Variants in KANSL1 observed in about 807,000 individuals in gnomAD.
KANSL1 encodes MLL1/MLL complex subunit KANSL1.
A neutral mutation model predicts 103.6 loss-of-function variants in KANSL1; 22 were observed. The ratio of observed to expected loss-of-function variants is 0.21; its 90% CI spans 0.15 to 0.30. The LOEUF (loss-of-function observed/expected upper bound fraction) is 0.30. Ranked by LOEUF, KANSL1 falls within the 10% of genes least tolerant of loss-of-function variation. The pLI, the probability that KANSL1 is intolerant of heterozygous loss-of-function variation, is 1.00. For missense variants in KANSL1, 1,337 were observed against 1,399.8 expected, an observed-to-expected ratio of 0.96 and a Z score of 0.72; for synonymous variants, 600 against 527.6, an observed-to-expected ratio of 1.14 and a Z score of -1.88.
chr17:46,049,938 CAG>C (rs1249237979), intron 7 of KANSL1: 1 of 150,518 alleles, frequency 6.6e-6, no homozygotes, highest in African/African-American at 2.5e-5. Context: ...TTTTTTGAGA[CAG>C]AGTCTTGCTC....
At chr17:46,041,384 G>C (rs1159711550) in intron 7 of KANSL1, 2 of 152,110 alleles carry the variant, frequency 1.3e-5, no homozygotes, top group African/African-American at 4.8e-5. Context: ...CACCACCATG[G>C]ATAGCGGTGT....
chr17:46,170,692 C>T (rs2147727661), intron 2 of KANSL1, 163 bp downstream of exon 2: 1 of 746,612 alleles, frequency 1.3e-6, no homozygotes, highest in Non-Finnish European at 2.1e-6. Flanking sequence ...TCCCCTTCTT[C>T]ACTAGCATGT....
chr17:46,087,758 A>G (rs2079220929), intron 3 of KANSL1, among the ~76,000 whole-genome samples: 1 of 152,178 alleles, frequency 6.6e-6, no homozygotes. Flanking sequence ...ACACTTAATG[A>G]CTTTGCCCTT....
At position 46,066,744 on chromosome 17, in the gene KANSL1, G is replaced by A. The variant is rs776811728; in HGVS notation, c.1653-12C>T. The A allele has an allele frequency of 8.2e-6, 13 of 1,594,134 alleles. No homozygotes were observed. The highest frequency in any genetic ancestry group is 1.1e-5 in the Non-Finnish European group (13 of 1,165,400). On this transcript the variant is annotated splice_polypyrimidine_tract_variant and intron_variant, in intron 5 of 14. Coordinates refer to ENST00000432791, the MANE Select transcript of KANSL1 (RefSeq NM_015443.4). ...AGACAGGCTGAAGACTATACAAGGG[G>A]AAGGAAGAGTATTCTCAGAACACAC...
intron 2 of KANSL1, among the ~76,000 whole-genome samples, chr17:46,101,806 A>G (rs1183602361): frequency 8.9e-6 from 1 of 111,910 alleles, no homozygotes; most frequent in Non-Finnish European, 2.4e-5. Context: ...CATTATAACC[A>G]TGGATTTAAA....
intron 4 of KANSL1, among the ~76,000 whole-genome samples, chr17:46,079,724 C>G (rs904031263): frequency 1.3e-5 from 2 of 152,188 alleles, no homozygotes; most frequent in African/African-American, 2.4e-5. Context: ...CACCTGTAAT[C>G]CCAGCAGTTT....
intron 3 of KANSL1, among the ~76,000 whole-genome samples, chr17:46,084,532 A>C (rs1009665332): frequency 1.1e-4 from 16 of 151,686 alleles, no homozygotes; most frequent in Non-Finnish European, 1.9e-4. Flanking sequence ...AAATACAAAA[A>C]ATAGCTGGGC....
chr17:46,204,993 C>T (rs2047917429), intron 1 of KANSL1, among the ~76,000 whole-genome samples: 1 of 152,038 alleles, frequency 6.6e-6, no homozygotes, highest in African/African-American at 2.4e-5. Flanking sequence ...TACAAAAACC[C>T]CATAGCTAAA....
In KANSL1 at chr17:46,031,252, T is replaced by G; in HGVS notation, c.*224A>C. On this transcript the variant is annotated 3_prime_UTR_variant, in exon 15 of 15. Coordinates refer to ENST00000432791, the MANE Select transcript of KANSL1 (RefSeq NM_015443.4). Reference sequence around the variant, plus strand: ...CAGGGTCTCATCCTGAACTTCTGTTTGCCAACGGGAGGAAGTGCTCAGGTG... The same window carrying G: ...CAGGGTCTCATCCTGAACTTCTGTTGGCCAACGGGAGGAAGTGCTCAGGTG... 1.7e-6 allele frequency: 1 copy of G among 593,892 alleles called. No individual in the cohort carries two copies. 36.8% of individuals were successfully genotyped at this position (593,892 alleles called of 1,614,324 possible).
intron 3 of KANSL1, among the ~76,000 whole-genome samples, chr17:46,090,530 C>A (rs557266904): frequency 6.6e-6 from 1 of 152,164 alleles, no homozygotes; most frequent in South Asian, 2.1e-4. Context: ...ATTTTACAGA[C>A]CAAGAATCTG....
Position 46,058,729 on chromosome 17 carries a change from ACACACACACACACACTCTCTCT to A in KANSL1, c.1848+7786_1848+7807del, listed in dbSNP as rs1385539705. On this transcript the variant is annotated intron_variant, in intron 6 of 14. Coordinates refer to ENST00000432791, the MANE Select transcript of KANSL1 (RefSeq NM_015443.4). ...ATTTAAAACACACACACACACACAC[ACACACACACACACACTCTCTCT>A]CTCTCTCTCTCTCTCTCTCTCTCTC... is the stretch of plus-strand genomic sequence containing the variant. 5.5e-5 allele frequency among the ~76,000 whole-genome samples: 4 copies of A among 73,238 alleles called. No individual in the cohort carries two copies. In the East Asian group the frequency reaches 1.0e-3, roughly 19 times the overall value. The allele number at this position is 73,238 out of a possible 152,430, so 48.0% of individuals were successfully genotyped here. A position where few individuals can be genotyped will look rare whatever the true frequency, so the allele number is the denominator to read the frequency against.
Position 46,193,101 on chromosome 17 carries a change from G to A in KANSL1, c.-368C>T, listed in dbSNP as rs1046233163. The stretch of plus-strand genomic sequence containing the variant: ...TCCCGGCCTTGCTCCGCACCGACGG[G>A]GCCCGAGCACGGCTGGAGACCGCAG... On this transcript the variant is annotated 5_prime_UTR_variant, in exon 1 of 15. Transcript: ENST00000432791. 29 of 152,296 alleles carry A rather than the reference G, an allele frequency of 1.9e-4. No homozygotes were observed. Among genetic ancestry groups the A allele is most frequent in the South Asian group, 4.1e-4 (2 of 4,842 alleles). The allele number at this position is 152,296 out of a possible 1,614,324, so 9.4% of individuals were successfully genotyped here.
At chr17:46,116,980 A>G (rs1261857648) in intron 2 of KANSL1, among the ~76,000 whole-genome samples, 2 of 152,258 alleles carry the variant, frequency 1.3e-5, no homozygotes, top group East Asian at 1.9e-4. Context: ...TAGAAAGTAT[A>G]AAGTTACATT....
At chr17:46,118,617 C>T (rs1209804656) in intron 2 of KANSL1, among the ~76,000 whole-genome samples, 1 of 152,106 alleles carries the variant, frequency 6.6e-6, no homozygotes. Context: ...AAAGACTACA[C>T]TTTGATGGTC....
chr17:46,055,499 T>C (rs2077893552), intron 6 of KANSL1, among the ~76,000 whole-genome samples: 1 of 151,860 alleles, frequency 6.6e-6, no homozygotes, highest in East Asian at 1.9e-4. Flanking sequence ...GATTATATTC[T>C]TGACTGTAAC....
chr17:46,218,570 G>T (rs1029438316), intron 1 of KANSL1, among the ~76,000 whole-genome samples: 2 of 152,104 alleles, frequency 1.3e-5, no homozygotes, highest in African/African-American at 4.8e-5. Flanking sequence ...ATCACTTGAG[G>T]CCAGGAGTTT....
chr17:46,063,517 G>GA (rs2078253765), intron 6 of KANSL1, among the ~76,000 whole-genome samples: 2 of 152,186 alleles, frequency 1.3e-5, no homozygotes, highest in Non-Finnish European at 2.9e-5. Context: ...TCTAACTCTG[G>GA]AAGAACTCCA....
chr17:46,042,452 A>G (rs2077359005), intron 7 of KANSL1: 1 of 152,232 alleles, frequency 6.6e-6, no homozygotes, highest in South Asian at 2.1e-4. Flanking sequence ...AGAAAGGTAC[A>G]TTAACTATGT....
intron 7 of KANSL1, among the ~76,000 whole-genome samples, chr17:46,047,846 G>A (rs1356346998): frequency 2.0e-5 from 3 of 150,754 alleles, no homozygotes; most frequent in East Asian, 3.9e-4. Flanking sequence ...GACTACCTGG[G>A]AGATATTATG....
Sources: allele counts gnomAD v4.1 joint callset (sites outside exome capture counted in the v4.1 genomes callset), GRCh38; gene constraint gnomAD v4.1.1; transcripts MANE v1.5; gene names NCBI Gene and HGNC (gene_info 2026-07-23, HGNC 2026-07-21).